DENR: variants seen among roughly 807,000 people sequenced by gnomAD.
The protein encoded by DENR is density regulated re-initiation and release factor.
A neutral mutation model predicts 30.6 loss-of-function variants in DENR; 6 were observed. That is an observed-to-expected ratio of 0.20 (90% CI 0.11 to 0.39). The LOEUF is 0.39. Ranked by LOEUF, DENR falls within the 10% of genes least tolerant of loss-of-function variation. The probability of loss-of-function intolerance (pLI) is 1.00; values close to 1 mark genes in which losing one functional copy is unlikely to be tolerated. For synonymous variants in DENR, 78 were observed against 72.1 expected, an observed-to-expected ratio of 1.08 and a Z score of -0.41; for missense variants, 141 against 230.9, an observed-to-expected ratio of 0.61 and a Z score of 2.52.
rs2135514114 is a variant in DENR, at chr12:122,769,485, G to T, written c.*407G>T. 8.1e-6 allele frequency: 8 copies of T among 983,826 alleles called. No homozygotes were observed. Among genetic ancestry groups the T allele is most frequent in the Non-Finnish European group, 9.6e-6 (8 of 829,664 alleles). The allele number at this position is 983,826 out of a possible 1,614,324, so 60.9% of individuals were successfully genotyped here. The stretch of plus-strand genomic sequence containing the variant: ...TCAAATAAAAAATTTTGGTCATTTG[G>T]TACTGACTTTCTCTCTCTCTCTCTC... On this transcript the variant is annotated 3_prime_UTR_variant, in exon 8 of 8. Coordinates refer to ENST00000280557, the MANE Select transcript of DENR (RefSeq NM_003677.5).
Position 122,753,796 on chromosome 12 carries a change from T to C in DENR, c.95T>C (p.Leu32Pro), listed in dbSNP as rs376132191. Residue 32 changes from leucine to proline, a missense_variant, in exon 2 of 8, where the codon CTT becomes CCT. By Grantham distance (98) the Leu-to-Pro change is moderately conservative. This residue lies in a region of DENR where 104 missense variants were observed against 138.3 expected (regional missense o/e 0.75). Transcript: ENST00000280557. ...KLDADYPLRV[L>P]YCGVCSLPTE... ...GATGCCGATTACCCACTTCGAGTCC[T>C]TTATTGTGGAGGCAAGTGTTGGTAG... is the stretch of plus-strand genomic sequence containing the variant. The C allele has an allele frequency of 3.7e-6, 6 of 1,613,258 alleles. No individual in the cohort carries two copies. Among genetic ancestry groups the C allele is most frequent in the Non-Finnish European group, 5.1e-6 (6 of 1,179,512 alleles).
intron 2 of DENR, among the ~76,000 whole-genome samples, chr12:122,758,306 G>A (rs1429838923): frequency 1.3e-5 from 2 of 152,136 alleles, no homozygotes; most frequent in African/African-American, 4.8e-5. Context: ...TCCTGACCTT[G>A]TGATCCACCC....
chr12:122,762,270 C>T (rs1421045354), intron 3 of DENR, 64 bp downstream of exon 3: 52 of 1,124,254 alleles, frequency 4.6e-5, no homozygotes, highest in Middle Eastern at 5.1e-4. Flanking sequence ...TTAAAGCTAC[C>T]TTGAGAATTT....
At chr12:122,764,965 TG>T (rs1878808878) in intron 4 of DENR, among the ~76,000 whole-genome samples, 1 of 152,182 alleles carries the variant, frequency 6.6e-6, no homozygotes, top group Admixed American at 6.5e-5. Context: ...TCTGAGCGGG[TG>T]GGGAGCTCTT....
chr12:122,756,184 C>T (rs1236078951), intron 2 of DENR, among the ~76,000 whole-genome samples: 2 of 152,140 alleles, frequency 1.3e-5, no homozygotes, highest in Non-Finnish European at 2.9e-5. Flanking sequence ...CGCGGTGGCT[C>T]ACACCTGTAA....
chr12:122,761,442 A>G (rs1423775399), intron 2 of DENR, among the ~76,000 whole-genome samples: 2 of 152,166 alleles, frequency 1.3e-5, no homozygotes, highest in Admixed American at 6.6e-5. Context: ...TATATTGCAA[A>G]AAGATGGTAG....
intron 5 of DENR, among the ~76,000 whole-genome samples, chr12:122,766,470 C>T (rs565323113): frequency 3.9e-5 from 6 of 152,316 alleles, no homozygotes; most frequent in Admixed American, 3.9e-4. Flanking sequence ...ACATCCCTAA[C>T]TTCTGCTGCC....
rs543632149 is a variant in DENR at position 122,758,340 on chromosome 12, G to A, written c.107-3847G>A. Among the ~76,000 whole-genome samples, 40 of 152,316 alleles carry A rather than the reference G, an allele frequency of 2.6e-4. No individual in the cohort carries two copies. The East Asian group carries it at 4.2e-3, about 16-fold the overall frequency. On this transcript the variant is annotated intron_variant, in intron 2 of 7. Coordinates refer to ENST00000280557, the MANE Select transcript of DENR (RefSeq NM_003677.5). ...CCGCCTCGGCCTCCCAAAGTGTTGG[G>A]ATTACAGGCGTGAGCCACCAGACCC...
At position 122,753,752 on chromosome 12, in the gene DENR, A is replaced by C. The variant is rs2135506824; in HGVS notation, c.51A>C (p.Pro17=). 6.2e-7 allele frequency: 1 copy of C among 1,614,064 alleles called. No homozygotes were observed. Among genetic ancestry groups the C allele is most frequent in the East Asian group, 2.2e-5 (1 of 44,890 alleles). ...ESSGADCKGD[P]RNSAKLDADY... ...GCGGGGCTGACTGCAAAGGAGACCC[A>C]AGGAACAGTGCCAAGTTAGATGCCG... The change falls in exon 2 of 8, where the codon CCA becomes CCC. Residue 17 remains proline, a synonymous_variant. Coordinates refer to ENST00000280557, the MANE Select transcript of DENR (RefSeq NM_003677.5).
rs942632419 is a variant in DENR, at chr12:122,756,893, A to G, written c.106+3086A>G. ...CAGGCTTATTGGCCAGGCTATAATAAGACTTTAGACAAAATTAATGAGCAT... is the reference window on the plus strand; with the variant it reads ...CAGGCTTATTGGCCAGGCTATAATAGGACTTTAGACAAAATTAATGAGCAT... On this transcript the variant is annotated intron_variant, in intron 2 of 7. Coordinates refer to ENST00000280557, the MANE Select transcript of DENR (RefSeq NM_003677.5). 2.0e-5 allele frequency among the ~76,000 whole-genome samples: 3 copies of G among 152,226 alleles called. No individual in the cohort carries two copies. In the South Asian group the frequency reaches 6.2e-4, roughly 31 times the overall value.
chr12:122,760,485 A>C (rs1402354579), intron 2 of DENR, among the ~76,000 whole-genome samples: 2 of 151,120 alleles, frequency 1.3e-5, no homozygotes, highest in Non-Finnish European at 3.0e-5. Flanking sequence ...TAATCCCAGC[A>C]CTTTGGGAGG....
Position 122,762,832 on chromosome 12 carries a change from T to C in DENR, c.127-13T>C, listed in dbSNP as rs1381653651. ...ATGTTTTGTTGTGACTCAGTTCTTT[T>C]TTTTTCTCCTAGTACTGTGAATATA... On this transcript the variant is annotated splice_polypyrimidine_tract_variant and intron_variant, in intron 3 of 7. Transcript: ENST00000280557. The C allele has an allele frequency of 5.3e-6, 8 of 1,503,124 alleles. No homozygotes were observed. In the Admixed American group the frequency reaches 1.3e-4, roughly 25 times the overall value. 93.1% of individuals were successfully genotyped at this position (1,503,124 alleles called of 1,614,324 possible). A position where few individuals can be genotyped will look rare whatever the true frequency, so the allele number is the denominator to read the frequency against.
chr12:122,770,873 A>T lies in DENR; in HGVS notation c.*1795A>T. The T allele has an allele frequency of 2.5e-6, 1 of 396,522 alleles. No individual in the cohort carries two copies. The highest frequency in any genetic ancestry group is 4.4e-6 in the Non-Finnish European group (1 of 225,400). 24.6% of individuals were successfully genotyped at this position (396,522 alleles called of 1,614,324 possible). A position where few individuals can be genotyped will look rare whatever the true frequency, so the allele number is the denominator to read the frequency against. ...ACTGGTGAAGCAGATTTATCCATCG[A>T]GACTATCTGGTATGCGTTATGTATG... On this transcript the variant is annotated 3_prime_UTR_variant, in exon 8 of 8. Transcript: ENST00000280557.
At chr12:122,753,296 A>G (rs1000794879) in intron 1 of DENR, among the ~76,000 whole-genome samples, 5 of 146,006 alleles carry the variant, frequency 3.4e-5, no homozygotes, top group African/African-American at 1.3e-4. Context: ...CCTTGTTCCT[A>G]GGCACTTCCA....
intron 5 of DENR, among the ~76,000 whole-genome samples, chr12:122,767,178 G>A (rs567741040): frequency 3.7e-4 from 57 of 152,226 alleles, no homozygotes; most frequent in African/African-American, 1.3e-3. Flanking sequence ...CTATCATAAA[G>A]CCTTATTCAT....
intron 6 of DENR, 22 bp from the exon 7 acceptor site, chr12:122,768,760 C>T: frequency 1.3e-6 from 2 of 1,522,784 alleles, no homozygotes; most frequent in Non-Finnish European, 1.8e-6. Context: ...AGTTCTTGCT[C>T]TTTCTTTTTT....
Position 122,769,259 on chromosome 12 carries a change from C to CACATACACATATATGATACATAT in DENR, c.*182_*183insCATACACATATATGATACATATA. The CACATACACATATATGATACATAT allele has an allele frequency of 1.5e-6, 1 of 647,832 alleles. No homozygotes were observed. The allele number at this position is 647,832 out of a possible 1,614,324, so 40.1% of individuals were successfully genotyped here. On this transcript the variant is annotated 3_prime_UTR_variant, in exon 8 of 8. Transcript: ENST00000280557. ...GTATGTATACATGTATATATATATA[C>CACATACACATATATGATACATAT]ATACACATATATGTATACATATATA...
chr12:122,767,932 A>G (rs1231954096), intron 6 of DENR, among the ~76,000 whole-genome samples: 1 of 152,206 alleles, frequency 6.6e-6, no homozygotes, highest in Non-Finnish European at 1.5e-5. Context: ...AAAGGTTGCA[A>G]AATGGCTCAT....
chr12:122,753,759 AGT>A lies in DENR; in HGVS notation c.60_61del (p.Ala21GlnfsTer24). The A allele has an allele frequency of 6.2e-7, 1 of 1,614,076 alleles. No homozygotes were observed. Among genetic ancestry groups the A allele is most frequent in the Non-Finnish European group, 8.5e-7 (1 of 1,179,908 alleles). ...GADCKGDPRNSAKLDADYPLR... is the reference protein window; with the variant it reads ...GADCKGDPRNXAKLDADYPLR... Reference sequence around the variant, plus strand: ...TGACTGCAAAGGAGACCCAAGGAACAGTGCCAAGTTAGATGCCGATTACCCAC... The same window carrying A: ...TGACTGCAAAGGAGACCCAAGGAACAGCCAAGTTAGATGCCGATTACCCAC... On this transcript the variant is annotated frameshift_variant, in exon 2 of 8. Transcript: ENST00000280557. LOFTEE classifies it high-confidence loss of function.
Sources: gnomAD v4.1 joint callset for allele counts (sites outside exome capture counted in the v4.1 genomes callset) on GRCh38, gnomAD v4.1.1 for gene constraint, gnomAD v4.1.1 regional missense constraint, MANE v1.5 for transcripts, NCBI Gene and HGNC (gene_info 2026-07-23, HGNC 2026-07-21) for gene names.